RYK: variants seen among roughly 807,000 people sequenced by gnomAD.
RYK encodes inactive tyrosine-protein kinase RYK.
Under a neutral mutation model 70.2 loss-of-function variants are expected in RYK, and 21 were observed. The observed-to-expected ratio is 0.30, with a 90% CI of 0.21 to 0.43. The LOEUF (loss-of-function observed/expected upper bound fraction) is 0.43, where lower values mean the gene tolerates loss of function less well. Ranked by LOEUF, RYK falls within the 20% of genes least tolerant of loss-of-function variation. RYK has a pLI of 1.00. For synonymous variants in RYK, 267 were observed against 278.0 expected (o/e 0.96, Z 0.39); for missense variants, 604 against 753.3 (o/e 0.80, Z 2.32).
chr3:134,238,415 G>A (rs556411918), intron 1 of RYK, among the ~76,000 whole-genome samples: 92 of 152,308 alleles, frequency 6.0e-4, no homozygotes, highest in Middle Eastern at 3.4e-3. Context: ...GAGAAAGAAC[G>A]TATGCATGAC....
At chr3:134,221,686 A>G (rs9822469) in intron 2 of RYK, among the ~76,000 whole-genome samples, 64,346 of 151,964 alleles carry the variant, frequency 0.42, 15,266 homozygotes, top group Middle Eastern at 0.63. Flanking sequence ...ACTCTACAAT[A>G]GGTATTCTTA....
chr3:134,241,112 A>G (rs866387563), intron 1 of RYK, among the ~76,000 whole-genome samples: 9 of 150,484 alleles, frequency 6.0e-5, no homozygotes, highest in African/African-American at 2.0e-4. Context: ...GGGGAGGGAA[A>G]TCACTTGAAG....
At chr3:134,231,437 GGGAATA>G (rs1319633212) in intron 1 of RYK, among the ~76,000 whole-genome samples, 1 of 152,116 alleles carries the variant, frequency 6.6e-6, no homozygotes, top group African/African-American at 2.4e-5. Flanking sequence ...CTCCTAAGTA[GGGAATA>G]TTCTTTTTGA....
rs1287590752 is a variant in RYK, at chr3:134,175,625, G to A, written c.1559C>T (p.Ser520Phe). ...GGCACTTACCACATCACTAGCGCTA[G>A]AGAACTCGTTATTAACCAGACTTTC... ...ALESLVNNEFSSASDVWAFGV... is the reference protein window; with the variant it reads ...ALESLVNNEFFSASDVWAFGV... The change falls in exon 13 of 15, where the codon TCT becomes TTT. Residue 520 changes from serine to phenylalanine, a missense_variant. Ser to Phe is a radical substitution (Grantham distance 155). This residue lies in a region of RYK where 138 missense variants were observed against 217.4 expected (regional missense o/e 0.63). Coordinates refer to ENST00000623711, the MANE Select transcript of RYK (RefSeq NM_002958.4). 3 of 1,613,698 alleles carry A rather than the reference G, an allele frequency of 1.9e-6. No homozygotes were observed. The African/African-American group carries it at 4.0e-5, about 22-fold the overall frequency.
chr3:134,169,505 GAAT>G (rs1240961439), intron 13 of RYK, among the ~76,000 whole-genome samples: 1 of 152,086 alleles, frequency 6.6e-6, no homozygotes, highest in African/African-American at 2.4e-5. Context: ...TCATATCTTG[GAAT>G]AATATTAGAC....
intron 1 of RYK, among the ~76,000 whole-genome samples, chr3:134,248,755 G>A (rs761967078): frequency 5.3e-5 from 8 of 151,896 alleles, no homozygotes; most frequent in Non-Finnish European, 1.0e-4. Flanking sequence ...CCGAGATCAC[G>A]CCACTGCACT....
Position 134,204,164 on chromosome 3 carries a change from C to A in RYK, c.644-1290G>T, listed in dbSNP as rs182130967. 7.0e-3 allele frequency among the ~76,000 whole-genome samples: 1,059 copies of A among 152,158 alleles called. 8 individuals are homozygous for A. The highest frequency in any genetic ancestry group is 0.022 in the African/African-American group (915 of 41,514). ...CTTTTCTGTTTTTAAAGGCTCTATT[C>A]ATTAAATAAAATGATACTCAGCTTT... On this transcript the variant is annotated intron_variant, in intron 5 of 14. Coordinates refer to ENST00000623711, the MANE Select transcript of RYK (RefSeq NM_002958.4).
At chr3:134,205,956 G>A (rs1213474609) in intron 5 of RYK, among the ~76,000 whole-genome samples, 1 of 152,178 alleles carries the variant, frequency 6.6e-6, no homozygotes, top group Non-Finnish European at 1.5e-5. Context: ...GCGGGAAGAT[G>A]AGAGGCAGCA....
intron 9 of RYK, among the ~76,000 whole-genome samples, chr3:134,186,227 G>C (rs969025160): frequency 6.6e-6 from 1 of 152,058 alleles, no homozygotes; most frequent in African/African-American, 2.4e-5. Context: ...TGTAAGATTC[G>C]GGTTGCTAAT....
intron 2 of RYK, among the ~76,000 whole-genome samples, chr3:134,218,671 G>A (rs1280948769): frequency 6.6e-6 from 1 of 152,156 alleles, no homozygotes; most frequent in Non-Finnish European, 1.5e-5. Context: ...GAAAGGCCGA[G>A]ACCAGATCAT....
intron 9 of RYK, among the ~76,000 whole-genome samples, chr3:134,185,987 T>C (rs6795658): frequency 0.26 from 39,778 of 152,064 alleles, 5,780 homozygotes; most frequent in Non-Finnish European, 0.33. Flanking sequence ...CCTAGTCTTT[T>C]AATTACATAA....
chr3:134,250,101 G>C (rs944585153), intron 1 of RYK, among the ~76,000 whole-genome samples: 2 of 151,896 alleles, frequency 1.3e-5, no homozygotes, highest in Non-Finnish European at 2.9e-5. Flanking sequence ...GTGCAGCAAG[G>C]AAAAAAAGTT....
intron 13 of RYK, among the ~76,000 whole-genome samples, chr3:134,174,674 A>G (rs2013034685): frequency 6.6e-6 from 1 of 152,228 alleles, no homozygotes; most frequent in South Asian, 2.1e-4. Context: ...AAAATAAATT[A>G]CACTTAGTCT....
Position 134,241,408 on chromosome 3 carries a change from T to A in RYK, c.232+9015A>T, listed in dbSNP as rs200499882. On this transcript the variant is annotated intron_variant, in intron 1 of 14. Coordinates refer to ENST00000623711, the MANE Select transcript of RYK (RefSeq NM_002958.4). Reference sequence around the variant, plus strand: ...TTTAAGTTCCCTTTACAGTATCACCTTTTTATAATATCATATTTCATTTAA... The same window carrying A: ...TTTAAGTTCCCTTTACAGTATCACCATTTTATAATATCATATTTCATTTAA... 6.8e-5 allele frequency among the ~76,000 whole-genome samples: 9 copies of A among 133,176 alleles called. No individual in the cohort carries two copies. In the East Asian group the frequency reaches 1.8e-3, roughly 27 times the overall value. 87.4% of individuals were successfully genotyped at this position (133,176 alleles called of 152,430 possible).
At chr3:134,211,368 A>G (rs2014386185) in intron 3 of RYK, 140 bp downstream of exon 3, 1 of 510,730 alleles carries the variant, frequency 2.0e-6, no homozygotes, top group East Asian at 3.1e-5. Context: ...AAATATTTAC[A>G]AAAATTACTT....
intron 6 of RYK, among the ~76,000 whole-genome samples, chr3:134,200,182 C>T (rs552813177): frequency 1.2e-3 from 180 of 152,146 alleles, no homozygotes; most frequent in Non-Finnish European, 2.1e-3. Context: ...TTTGTTCTTT[C>T]GCTCTTCACA....
rs796105619 is a variant in RYK at position 134,207,536 on chromosome 3, A to G, written c.590-11T>C. On this transcript the variant is annotated splice_polypyrimidine_tract_variant and intron_variant, in intron 4 of 14. Coordinates refer to ENST00000623711, the MANE Select transcript of RYK (RefSeq NM_002958.4). ...TTACTTCTTCAAGTTCTGAATTTAA[A>G]GGAGAAAAATGATGCTTTAGAAATT... 5.3e-6 allele frequency: 8 copies of G among 1,518,660 alleles called. No individual in the cohort carries two copies. The African/African-American group carries it at 9.7e-5, about 18-fold the overall frequency. The allele number at this position is 1,518,660 out of a possible 1,614,324, so 94.1% of individuals were successfully genotyped here.
chr3:134,223,242 G>C (rs796138382), intron 1 of RYK, among the ~76,000 whole-genome samples: 4 of 152,298 alleles, frequency 2.6e-5, no homozygotes, highest in African/African-American at 7.2e-5. Flanking sequence ...TGGAATGCCG[G>C]AGAAGTGACT....
At chr3:134,165,651 GA>G (rs1403931980) in intron 13 of RYK, among the ~76,000 whole-genome samples, 9 of 152,318 alleles carry the variant, frequency 5.9e-5, no homozygotes, top group African/African-American at 2.2e-4. Flanking sequence ...CCACCTAGCT[GA>G]GAGATGATGT....
Sources: allele counts gnomAD v4.1 joint callset (sites outside exome capture counted in the v4.1 genomes callset), GRCh38; gene constraint gnomAD v4.1.1; regional missense constraint gnomAD v4.1.1; transcripts MANE v1.5; gene names NCBI Gene and HGNC (gene_info 2026-07-23, HGNC 2026-07-21).